Variants in MFAP3L observed in about 807,000 individuals in gnomAD.
MFAP3L encodes microfibrillar-associated protein 3-like.
Under a neutral mutation model 20.0 loss-of-function variants are expected in MFAP3L, and 5 were observed. The ratio of observed to expected loss-of-function variants is 0.25; its 90% CI spans 0.13 to 0.53. The LOEUF (loss-of-function observed/expected upper bound fraction) is 0.53. Among genes scored for constraint, MFAP3L ranks in the 20% least tolerant of loss-of-function variants. The pLI, the probability that MFAP3L is intolerant of heterozygous loss-of-function variation, is 0.96. For missense variants in MFAP3L, 409 were observed against 527.5 expected (o/e 0.78, Z 2.20); for synonymous variants, 219 against 213.0 (o/e 1.03, Z -0.25).
chr4:170,011,616 C>A (rs1010615682), intron 1 of MFAP3L, among the ~76,000 whole-genome samples: 1 of 152,172 alleles, frequency 6.6e-6, no homozygotes, highest in African/African-American at 2.4e-5. Flanking sequence ...AAATGACCTG[C>A]GCTGGGTGCA....
Position 169,992,859 on chromosome 4 carries a change from G to C in MFAP3L, c.299-550C>G, listed in dbSNP as rs1010856288. On this transcript the variant is annotated intron_variant, in intron 2 of 2. Transcript: ENST00000361618. The surrounding 1 kb of genome is among the most constrained non-coding windows in gnomAD (Gnocchi z 4.3). Reference sequence around the variant, plus strand: ...CAAATTTAAGATTGAAGTAATCCTTGTATGATCTCAGTTAATTAAAACATA... The same window carrying C: ...CAAATTTAAGATTGAAGTAATCCTTCTATGATCTCAGTTAATTAAAACATA... 6.6e-6 allele frequency among the ~76,000 whole-genome samples: 1 copy of C among 152,156 alleles called. No homozygotes were observed. The highest frequency in any genetic ancestry group is 1.5e-5 in the Non-Finnish European group (1 of 68,038).
chr4:170,026,605 G>T (rs1034021315), upstream of MFAP3L, among the ~76,000 whole-genome samples: 5 of 151,794 alleles, frequency 3.3e-5, no homozygotes, highest in African/African-American at 1.2e-4. Flanking sequence ...GGCTGTAGTT[G>T]CCGGGGAGTC....
chr4:170,005,343 A>G, intron 2 of MFAP3L: 2 of 565,102 alleles, frequency 3.5e-6, no homozygotes, highest in Non-Finnish European at 6.2e-6. Flanking sequence ...ACAAAATTCC[A>G]AGAAGCCTTT....
intron 2 of MFAP3L, among the ~76,000 whole-genome samples, chr4:170,003,442 G>T (rs576129466): frequency 6.6e-6 from 1 of 152,306 alleles, no homozygotes; most frequent in Non-Finnish European, 1.5e-5. Flanking sequence ...ATGAAGGAGG[G>T]ACGGTGCAGA....
upstream of MFAP3L, among the ~76,000 whole-genome samples, chr4:170,026,592 G>C (rs979805785): frequency 7.9e-5 from 12 of 151,506 alleles, no homozygotes; most frequent in African/African-American, 2.9e-4. Context: ...AGGAGCCACC[G>C]GAGGCTGTAG....
chr4:170,019,615 G>A (rs900928095), intron 1 of MFAP3L, among the ~76,000 whole-genome samples: 1 of 152,178 alleles, frequency 6.6e-6, no homozygotes. Flanking sequence ...TACTGCTTTC[G>A]TAAACCGATG....
At chr4:170,017,942 T>C (rs962694099) in intron 1 of MFAP3L, among the ~76,000 whole-genome samples, 1 of 152,178 alleles carries the variant, frequency 6.6e-6, no homozygotes, top group African/African-American at 2.4e-5. Context: ...TAAACACAAT[T>C]AGGAGCCAGT....
chr4:170,011,839 T>C (rs1739399311), intron 1 of MFAP3L, among the ~76,000 whole-genome samples: 1 of 152,222 alleles, frequency 6.6e-6, no homozygotes. Flanking sequence ...GGAAGAATTT[T>C]CTGGAAGTGA....
chr4:170,002,603 A>C (rs1487220597), intron 2 of MFAP3L, among the ~76,000 whole-genome samples: 3 of 151,780 alleles, frequency 2.0e-5, no homozygotes, highest in Non-Finnish European at 4.4e-5. Flanking sequence ...TCTGCCTCCC[A>C]GGTTCAAGCG....
At chr4:169,997,097 G>A (rs1284513754) in intron 2 of MFAP3L, among the ~76,000 whole-genome samples, 1 of 152,146 alleles carries the variant, frequency 6.6e-6, no homozygotes, top group Non-Finnish European at 1.5e-5. Context: ...GGGGGGAGGG[G>A]CAGGGAAGAC....
chr4:170,020,972 T>C (rs1740000887), intron 1 of MFAP3L, among the ~76,000 whole-genome samples: 1 of 152,126 alleles, frequency 6.6e-6, no homozygotes, highest in Non-Finnish European at 1.5e-5. Flanking sequence ...GGATGGAATA[T>C]GGGCTTGAGA....
intron 1 of MFAP3L, among the ~76,000 whole-genome samples, chr4:170,021,324 T>C (rs1740021924): frequency 6.6e-6 from 1 of 152,126 alleles, no homozygotes; most frequent in African/African-American, 2.4e-5. Flanking sequence ...CACTCCTAAA[T>C]ATCTGGCTAC....
intron 2 of MFAP3L, among the ~76,000 whole-genome samples, chr4:170,001,056 T>C (rs1355111932): frequency 6.6e-6 from 1 of 152,188 alleles, no homozygotes; most frequent in East Asian, 1.9e-4. Context: ...GTATTTAATA[T>C]ACTAAACAAG....
chr4:170,025,795 C>A (rs970065318), intron 1 of MFAP3L, among the ~76,000 whole-genome samples: 1 of 152,172 alleles, frequency 6.6e-6, no homozygotes, highest in African/African-American at 2.4e-5. Context: ...CCCGCATTCA[C>A]GTTCTCCGGA....
chr4:170,003,679 T>A, intron 2 of MFAP3L: 1 of 985,478 alleles, frequency 1.0e-6, no homozygotes, highest in Non-Finnish European at 1.2e-6. Flanking sequence ...ACCTTTGCTT[T>A]AGGGTCCATG....
In MFAP3L at chr4:169,991,303, C is replaced by T; in HGVS notation, c.*75G>A. 6.9e-7 allele frequency: 1 copy of T among 1,455,056 alleles called. No individual in the cohort carries two copies. The highest frequency in any genetic ancestry group is 1.4e-5 in the African/African-American group (1 of 70,772). The allele number at this position is 1,455,056 out of a possible 1,614,324, so 90.1% of individuals were successfully genotyped here. On this transcript the variant is annotated 3_prime_UTR_variant, in exon 3 of 3. Coordinates refer to ENST00000361618, the MANE Select transcript of MFAP3L (RefSeq NM_021647.8). The surrounding 1 kb of genome is among the most constrained non-coding windows in gnomAD (Gnocchi z 4.9). Reference sequence around the variant, plus strand: ...AGAGTCTCCTGGTAAGGCTTAGCGGCAAGTGCGTACTACATCTGTATTACA... The same window carrying T: ...AGAGTCTCCTGGTAAGGCTTAGCGGTAAGTGCGTACTACATCTGTATTACA...
chr4:170,012,148 T>C (rs778082964), intron 1 of MFAP3L, among the ~76,000 whole-genome samples: 42 of 152,168 alleles, frequency 2.8e-4, no homozygotes, highest in Non-Finnish European at 4.9e-4. Context: ...ATGGCTGCGA[T>C]GTAGACCTGG....
chr4:170,007,142 A>T (rs573224436), intron 1 of MFAP3L, among the ~76,000 whole-genome samples: 2 of 152,314 alleles, frequency 1.3e-5, no homozygotes, highest in South Asian at 4.1e-4. Flanking sequence ...GCTTCAGATC[A>T]TATTTTTTTT....
intron 2 of MFAP3L, chr4:169,994,301 C>T (rs1454107484): frequency 1.0e-6 from 1 of 985,360 alleles, no homozygotes; most frequent in Non-Finnish European, 1.2e-6. Flanking sequence ...ACCTCCTCCC[C>T]ATCCGTACCA....
Sources: gnomAD v4.1 joint callset for allele counts (sites outside exome capture counted in the v4.1 genomes callset) on GRCh38, gnomAD v4.1.1 for gene constraint, Gnocchi (gnomAD v3.1) non-coding constraint, MANE v1.5 for transcripts, NCBI Gene and HGNC (gene_info 2026-07-23, HGNC 2026-07-21) for gene names.